The following SLFN5 variants were observed in gnomAD, a reference collection of about 807,000 sequenced individuals.
SLFN5 encodes schlafen family member 5.
SLFN5 carries 34 observed loss-of-function variants against 48.5 expected under a neutral mutation model. The observed-to-expected ratio is 0.70, with a 90% CI of 0.53 to 0.93. The LOEUF is 0.93. SLFN5 is among the 40% of genes least tolerant of loss of function. The probability of loss-of-function intolerance (pLI) is 0.00; values close to 1 mark genes in which losing one functional copy is unlikely to be tolerated. For missense variants in SLFN5, 1,006 were observed against 1,071.3 expected, an observed-to-expected ratio of 0.94 and a Z score of 0.85; for synonymous variants, 387 against 396.2, an observed-to-expected ratio of 0.98 and a Z score of 0.28.
At position 35,270,895 on chromosome 17, in the gene SLFN5, T is replaced by C. The variant is rs1290624087; in HGVS notation, c.*5007T>C. ...ACCATACCTCTTTTGACTAAAAGAG[T>C]TTCCAGAATAGTGGCAGAATATATA... On this transcript the variant is annotated 3_prime_UTR_variant, in exon 5 of 5. Transcript: ENST00000299977. 6.6e-6 allele frequency: 1 copy of C among 151,858 alleles called. No individual in the cohort carries two copies. 9.4% of individuals were successfully genotyped at this position (151,858 alleles called of 1,614,324 possible).
At chr17:35,263,095 A>G (rs1440561539) in intron 3 of SLFN5, among the ~76,000 whole-genome samples, 1 of 152,082 alleles carries the variant, frequency 6.6e-6, no homozygotes, top group Non-Finnish European at 1.5e-5. Flanking sequence ...CAGCAACACA[A>G]ACTGCTTGGA....
chr17:35,256,939 C>T (rs560517319), intron 1 of SLFN5, among the ~76,000 whole-genome samples: 1 of 152,286 alleles, frequency 6.6e-6, no homozygotes, highest in South Asian at 2.1e-4. Flanking sequence ...GCTTTGCCTC[C>T]TGTCGTATCA....
At position 35,259,565 on chromosome 17, in the gene SLFN5, A is replaced by T. The variant is rs1359103545; in HGVS notation, c.875A>T (p.Tyr292Phe). Residue 292 changes from tyrosine (Y) to phenylalanine (F), a missense_variant, in exon 2 of 5, where the codon TAT (tyrosine) becomes TTT (phenylalanine). Transcript: ENST00000299977. ...EVHDKGALRG[Y>F]VCAIKVEKFC... ...CATGATAAGGGGGCCCTCCGTGGATATGTCTGTGCAATCAAGGTGGAGAAA... is the reference window on the plus strand; with the variant it reads ...CATGATAAGGGGGCCCTCCGTGGATTTGTCTGTGCAATCAAGGTGGAGAAA... 1 of 1,613,716 alleles carries T rather than the reference A, an allele frequency of 6.2e-7. No homozygotes were observed. Among genetic ancestry groups the T allele is most frequent in the African/African-American group, 1.3e-5 (1 of 74,924 alleles).
rs190088978 is a variant in SLFN5, at chr17:35,260,332, C to G, written c.1012+630C>G. Among the ~76,000 whole-genome samples, 26 of 152,242 alleles carry G rather than the reference C, an allele frequency of 1.7e-4. No homozygotes were observed. In the East Asian group the frequency reaches 3.5e-3, roughly 20 times the overall value. ...AACCAATAGTAACTTCTTCAAAGGT[C>G]CAGAAAAAACAAAGTCCACCTCAGA... On this transcript the variant is annotated intron_variant, in intron 2 of 4. Coordinates refer to ENST00000299977, the MANE Select transcript of SLFN5 (RefSeq NM_144975.4).
At chr17:35,250,640 A>G (rs1480999151) in intron 1 of SLFN5, among the ~76,000 whole-genome samples, 1 of 147,700 alleles carries the variant, frequency 6.8e-6, no homozygotes, top group Admixed American at 6.8e-5. Flanking sequence ...AGCCTGGGCG[A>G]CAGAGCAAGA....
chr17:35,253,276 G>T (rs1158983895), intron 1 of SLFN5, among the ~76,000 whole-genome samples: 2 of 152,078 alleles, frequency 1.3e-5, no homozygotes, highest in African/African-American at 4.8e-5. Context: ...TTTAGGGTTA[G>T]GATTTGCACA....
At chr17:35,253,459 T>C (rs1380301390) in intron 1 of SLFN5, among the ~76,000 whole-genome samples, 1 of 149,852 alleles carries the variant, frequency 6.7e-6, no homozygotes, top group Admixed American at 6.6e-5. Flanking sequence ...GCAGCCTCAA[T>C]CCACTGGGCT....
Position 35,265,224 on chromosome 17 carries a change from C to G in SLFN5, c.2012C>G (p.Thr671Arg). The G allele has an allele frequency of 6.2e-7, 1 of 1,614,186 alleles. No homozygotes were observed. Among genetic ancestry groups the G allele is most frequent in the Non-Finnish European group, 8.5e-7 (1 of 1,180,030 alleles). The change falls in exon 5 of 5, where the codon ACA becomes AGA. Residue 671 changes from threonine to arginine, a missense_variant. By Grantham distance (71) the Thr-to-Arg change is moderately conservative (BLOSUM62 -1). Coordinates refer to ENST00000299977, the MANE Select transcript of SLFN5 (RefSeq NM_144975.4). ...WYGKAKFITQ[T>R]ARDGPGVLWI... ...GGGAAAGCAAAGTTCATCACTCAGA[C>G]AGCAAGGGATGGCCCAGGAGTTCTC...
rs1904586686 is a variant in SLFN5 at position 35,263,708 on chromosome 17, A to AGCTAC, written c.1139-474_1139-470dup. On this transcript the variant is annotated intron_variant, in intron 3 of 4. Coordinates refer to ENST00000299977, the MANE Select transcript of SLFN5 (RefSeq NM_144975.4). The stretch of plus-strand genomic sequence containing the variant: ...CTTGGTGGCACACGCCTTTGGTCCC[A>AGCTAC]GCTACTTGGGAGGCTGAGGCAGGAG... Among the ~76,000 whole-genome samples, 4 of 151,646 alleles carry AGCTAC rather than the reference A, an allele frequency of 2.6e-5. No homozygotes were observed. The South Asian group carries it at 8.3e-4, about 31-fold the overall frequency.
Position 35,259,590 on chromosome 17 carries a change from A to C in SLFN5, c.900A>C (p.Lys300Asn). The C allele has an allele frequency of 6.2e-7, 1 of 1,612,446 alleles. No homozygotes were observed. Among genetic ancestry groups the C allele is most frequent in the African/African-American group, 1.3e-5 (1 of 75,042 alleles). Residue 300 changes from lysine (K) to asparagine (N), a missense_variant, in exon 2 of 5, where the codon AAA becomes AAC. Physicochemically the swap from Lys to Asn is moderately conservative, Grantham distance 94. Transcript: ENST00000299977. Reference sequence around the variant, plus strand: ...ATGTCTGTGCAATCAAGGTGGAGAAATTCTGCTGTGCGGTGTTTGCCAAAG... The same window carrying C: ...ATGTCTGTGCAATCAAGGTGGAGAACTTCTGCTGTGCGGTGTTTGCCAAAG... ...RGYVCAIKVE[K>N]FCCAVFAKVP...
intron 3 of SLFN5, among the ~76,000 whole-genome samples, chr17:35,263,014 G>A (rs1434955061): frequency 1.3e-5 from 2 of 152,280 alleles, no homozygotes; most frequent in South Asian, 2.1e-4. Context: ...ATCTTGCCAG[G>A]TGTTAAGATG....
At position 35,259,534 on chromosome 17, in the gene SLFN5, G is replaced by T; in HGVS notation, c.844G>T (p.Glu282Ter). ...GATAAAATATGTCCTTAACTTCCTTGAAGTGCATGATAAGGGGGCCCTCCG... is the reference window on the plus strand; with the variant it reads ...GATAAAATATGTCCTTAACTTCCTTTAAGTGCATGATAAGGGGGCCCTCCG... The part of the protein sequence containing the change: ...PEIKYVLNFL[E>*]VHDKGALRGY... Residue 282 changes from glutamate to a stop codon, truncating the protein, a stop_gained, in exon 2 of 5, where the codon GAA becomes TAA. Transcript: ENST00000299977. LOFTEE classifies it high-confidence loss of function. The T allele has an allele frequency of 1.2e-6, 2 of 1,614,144 alleles. No individual in the cohort carries two copies. Among genetic ancestry groups the T allele is most frequent in the Middle Eastern group, 1.6e-4 (1 of 6,062 alleles).
chr17:35,251,643 A>C (rs534525453), intron 1 of SLFN5, among the ~76,000 whole-genome samples: 52 of 146,266 alleles, frequency 3.6e-4, no homozygotes, highest in Non-Finnish European at 6.6e-4. Flanking sequence ...TGACCTCGTG[A>C]TCTGCCAGCC....
At chr17:35,251,703 CTTT>C (rs34854448) in intron 1 of SLFN5, among the ~76,000 whole-genome samples, 42,424 of 84,680 alleles carry the variant, frequency 0.5, 12,246 homozygotes, top group Non-Finnish European at 0.63. Context: ...GGCGCCCGGA[CTTT>C]TTTTTTTTTT....
chr17:35,250,568 G>C (rs1057216209), intron 1 of SLFN5, among the ~76,000 whole-genome samples: 1 of 151,654 alleles, frequency 6.6e-6, no homozygotes, highest in Non-Finnish European at 1.5e-5. Context: ...GCTGAGGCAG[G>C]AGAATGGCGT....
intron 1 of SLFN5, among the ~76,000 whole-genome samples, chr17:35,251,551 A>G (rs967774474): frequency 2.6e-5 from 4 of 151,522 alleles, no homozygotes; most frequent in East Asian, 1.9e-4. Flanking sequence ...GACTACAGGC[A>G]CCCGCCACCA....
rs1417146945 is a variant in SLFN5, at chr17:35,272,142, G to A, written c.*6254G>A. 1 of 152,070 alleles carries A rather than the reference G, an allele frequency of 6.6e-6. No individual in the cohort carries two copies. Among genetic ancestry groups the A allele is most frequent in the African/African-American group, 2.4e-5 (1 of 41,408 alleles). 9.4% of individuals were successfully genotyped at this position (152,070 alleles called of 1,614,324 possible). ...ACCAAATATTAAAACATCTTATAAA[G>A]CTACAATAATTAAAACAATGTGGTG... On this transcript the variant is annotated 3_prime_UTR_variant, in exon 5 of 5. Transcript: ENST00000299977.
Position 35,260,976 on chromosome 17 carries a change from T to G in SLFN5, c.1018T>G (p.Ser340Ala). The G allele has an allele frequency of 6.2e-7, 1 of 1,613,772 alleles. No individual in the cohort carries two copies. The highest frequency in any genetic ancestry group is 1.1e-5 in the South Asian group (1 of 91,052). The stretch of plus-strand genomic sequence containing the variant: ...CTTGGTTCTTGTTTCCTAAGACCTT[T>G]CCAGGTGTCCTGAGATGGTTCTCCA... Reference protein sequence around the residue: ...AWMMEADPDLSRCPEMVLQLS... With the variant: ...AWMMEADPDLARCPEMVLQLS... Residue 340 changes from serine (S) to alanine (A), a missense_variant, in exon 3 of 5, where the codon TCC (serine) becomes GCC (alanine). By Grantham distance (99) the Ser-to-Ala change is moderately conservative (BLOSUM62 1). Transcript: ENST00000299977.
At position 35,259,462 on chromosome 17, in the gene SLFN5, T is replaced by TG; in HGVS notation, c.773dup (p.Cys258TrpfsTer3). On this transcript the variant is annotated frameshift_variant, in exon 2 of 5. Transcript: ENST00000299977. LOFTEE classifies it high-confidence loss of function. Reference sequence around the variant, plus strand: ...GAGCTTGAGGGCTTCTATTGATGGCTGTATTAAGAAGCTACCTGTCCATCA... The same window carrying TG: ...GAGCTTGAGGGCTTCTATTGATGGCTGGTATTAAGAAGCTACCTGTCCATCA... The TG allele has an allele frequency of 6.2e-7, 1 of 1,614,226 alleles. No individual in the cohort carries two copies. The highest frequency in any genetic ancestry group is 8.5e-7 in the Non-Finnish European group (1 of 1,180,042).
Sources: allele counts gnomAD v4.1 joint callset (sites outside exome capture counted in the v4.1 genomes callset), GRCh38; gene constraint gnomAD v4.1.1; transcripts MANE v1.5; gene names NCBI Gene and HGNC (gene_info 2026-07-23, HGNC 2026-07-21).